The following SLC25A12 variants were observed in gnomAD, a reference collection of about 807,000 sequenced individuals.
SLC25A12 encodes electrogenic aspartate/glutamate antiporter SLC25A12, mitochondrial.
A neutral mutation model predicts 83.3 loss-of-function variants in SLC25A12; 32 were observed. The ratio of observed to expected loss-of-function variants is 0.38; its 90% CI spans 0.29 to 0.52. The LOEUF (loss-of-function observed/expected upper bound fraction) is 0.52, where lower values mean the gene tolerates loss of function less well. SLC25A12 is among the 20% of genes least tolerant of loss of function. SLC25A12 has a pLI of 0.84. For missense variants in SLC25A12, 611 were observed against 835.6 expected (o/e 0.73, Z 3.31); for synonymous variants, 267 against 291.1 (o/e 0.92, Z 0.84).
chr2:171,810,181 T>C, intron 12 of SLC25A12, 43 bp downstream of exon 12: 1 of 1,550,886 alleles, frequency 6.4e-7, no homozygotes, highest in Non-Finnish European at 8.9e-7. Context: ...GGCTTAATGG[T>C]AATCTAAACA....
At chr2:171,849,836 G>A (rs992325099) in intron 4 of SLC25A12, among the ~76,000 whole-genome samples, 4 of 151,654 alleles carry the variant, frequency 2.6e-5, no homozygotes, top group East Asian at 1.9e-4. Context: ...GATTACAGGC[G>A]TGAGCCACCG....
chr2:171,867,389 G>C (rs1276787706), intron 3 of SLC25A12, among the ~76,000 whole-genome samples: 1 of 152,108 alleles, frequency 6.6e-6, no homozygotes, highest in South Asian at 2.1e-4. Context: ...CCAGCACCTC[G>C]GGAGGCCAAG....
chr2:171,857,358 A>G (rs1257497007), intron 3 of SLC25A12, among the ~76,000 whole-genome samples: 2 of 150,694 alleles, frequency 1.3e-5, no homozygotes, highest in African/African-American at 2.4e-5. Context: ...GCGACAGACC[A>G]GACTCTGTCT....
At chr2:171,866,767 A>AC (rs1318251578) in intron 3 of SLC25A12, among the ~76,000 whole-genome samples, 49 of 97,082 alleles carry the variant, frequency 5.0e-4, no homozygotes, top group Middle Eastern at 7.9e-3. Flanking sequence ...TGGGGGGCTG[A>AC]CCCCCCCCAC....
chr2:171,813,514 T>C lies in SLC25A12; in HGVS notation c.1013-17A>G. Reference sequence around the variant, plus strand: ...CTCCCACAGCTACAAACAGAACAATTTTTAGGCTTAAAAAAGAACACAATT... The same window carrying C: ...CTCCCACAGCTACAAACAGAACAATCTTTAGGCTTAAAAAAGAACACAATT... On this transcript the variant is annotated splice_polypyrimidine_tract_variant and intron_variant, in intron 10 of 17. Transcript: ENST00000422440. 1 of 1,613,560 alleles carries C rather than the reference T, an allele frequency of 6.2e-7. No individual in the cohort carries two copies.
At chr2:171,887,540 G>A (rs1036908586) in intron 2 of SLC25A12, among the ~76,000 whole-genome samples, 26 of 152,176 alleles carry the variant, frequency 1.7e-4, no homozygotes, top group African/African-American at 5.8e-4. Context: ...ACAAGGGACA[G>A]ACAAAATTAA....
intron 13 of SLC25A12, among the ~76,000 whole-genome samples, chr2:171,806,251 G>T (rs1320784689): frequency 3.3e-5 from 5 of 152,334 alleles, no homozygotes; most frequent in East Asian, 1.9e-4. Flanking sequence ...CCTGAGGTCG[G>T]GAGTTTGAGA....
At chr2:171,891,122 T>C (rs181168735) in intron 2 of SLC25A12, among the ~76,000 whole-genome samples, 153 of 152,170 alleles carry the variant, frequency 1.0e-3, no homozygotes, top group Middle Eastern at 3.4e-3. Context: ...CTGGCTAACA[T>C]GGTGAAACCC....
chr2:171,834,213 A>G (rs1161279537), intron 7 of SLC25A12, 157 bp from the exon 8 acceptor site: 4 of 591,022 alleles, frequency 6.8e-6, no homozygotes, highest in Non-Finnish European at 1.2e-5. Flanking sequence ...TCAACTATAC[A>G]AGAATATGCA....
At chr2:171,862,224 A>G (rs7580232) in intron 3 of SLC25A12, among the ~76,000 whole-genome samples, 117,136 of 152,104 alleles carry the variant, frequency 0.77, 46,177 homozygotes, top group East Asian at 0.89. Flanking sequence ...GACTAGGACT[A>G]AATATAGAAA....
chr2:171,857,096 T>C lies in SLC25A12; in HGVS notation c.210-1147A>G, dbSNP rs148314369. Among the ~76,000 whole-genome samples the C allele has an allele frequency of 5.4e-4, 83 of 152,366 alleles. 1 individual carries two copies. The Middle Eastern group carries it at 0.034, about 62-fold the overall frequency. The stretch of plus-strand genomic sequence containing the variant: ...TAATAAAAATTTTGGCCAGGCACAG[T>C]GGCTCACATCTGTAATCCCAGCACT... On this transcript the variant is annotated intron_variant, in intron 3 of 17. Coordinates refer to ENST00000422440, the MANE Select transcript of SLC25A12 (RefSeq NM_003705.5).
chr2:171,829,765 C>T (rs1473731605), intron 8 of SLC25A12, among the ~76,000 whole-genome samples: 1 of 152,192 alleles, frequency 6.6e-6, no homozygotes, highest in Non-Finnish European at 1.5e-5. Flanking sequence ...TTCATTCCAG[C>T]AACTTGTTGC....
At chr2:171,867,303 G>A (rs561392862) in intron 3 of SLC25A12, among the ~76,000 whole-genome samples, 144 of 150,516 alleles carry the variant, frequency 9.6e-4, no homozygotes, top group African/African-American at 3.4e-3. Flanking sequence ...GGAGGTTGTA[G>A]CGAGCCGAGA....
chr2:171,819,096 A>G (rs1203466549), intron 9 of SLC25A12, among the ~76,000 whole-genome samples: 1 of 143,164 alleles, frequency 7.0e-6, no homozygotes, highest in Non-Finnish European at 1.5e-5. Flanking sequence ...GGAAAAATAT[A>G]TATATACATA....
chr2:171,854,992 T>C (rs1329461884), intron 4 of SLC25A12, among the ~76,000 whole-genome samples: 1 of 152,210 alleles, frequency 6.6e-6, no homozygotes, highest in Non-Finnish European at 1.5e-5. Flanking sequence ...TACTTAATAC[T>C]ACTAAACTGT....
intron 3 of SLC25A12, among the ~76,000 whole-genome samples, chr2:171,867,698 G>C (rs933680023): frequency 6.6e-6 from 1 of 152,162 alleles, no homozygotes; most frequent in African/African-American, 2.4e-5. Flanking sequence ...ACACTAACCC[G>C]TAAGTCACAG....
chr2:171,838,701 T>C (rs1684611308), intron 5 of SLC25A12, among the ~76,000 whole-genome samples: 1 of 152,204 alleles, frequency 6.6e-6, no homozygotes, highest in Admixed American at 6.5e-5. Context: ...CTGTTTTCTA[T>C]AAGGTCAACA....
At chr2:171,787,328 A>T (rs988903915) in intron 17 of SLC25A12, among the ~76,000 whole-genome samples, 5 of 152,168 alleles carry the variant, frequency 3.3e-5, no homozygotes, top group Non-Finnish European at 5.9e-5. Context: ...TGTCTTTTTT[A>T]AAAAAATTTG....
rs1456107518 is a variant in SLC25A12, at chr2:171,791,572, G to A, written c.1464C>T (p.Phe488=). 1.2e-6 allele frequency: 2 copies of A among 1,614,022 alleles called. No individual in the cohort carries two copies. The highest frequency in any genetic ancestry group is 2.2e-5 in the South Asian group (2 of 91,074). ...FGLYKGAKAC[F]LRDIPFSAIY... ...TTGCAGAGAAGGGAATGTCTCGGAG[G>A]AAACACGCTTTGGCACCCTGTCACA... The change falls in exon 15 of 18, where the codon TTC becomes TTT. Residue 488 remains phenylalanine (F), a synonymous_variant. Transcript: ENST00000422440.
Sources: allele counts gnomAD v4.1 joint callset (sites outside exome capture counted in the v4.1 genomes callset), GRCh38; gene constraint gnomAD v4.1.1; transcripts MANE v1.5; gene names NCBI Gene and HGNC (gene_info 2026-07-23, HGNC 2026-07-21).